ULK4: variants seen among roughly 807,000 people sequenced by gnomAD.
The protein encoded by ULK4 is inactive serine/threonine-protein kinase ULK4.
In ULK4, 133 loss-of-function variants were observed where a neutral mutation model predicts 160.6. The observed-to-expected ratio is 0.83, with a 90% CI of 0.72 to 0.96. The LOEUF (loss-of-function observed/expected upper bound fraction) is 0.96, where lower values mean the gene tolerates loss of function less well. Ranked by LOEUF, ULK4 falls within the 40% of genes least tolerant of loss-of-function variation. ULK4 has a pLI of 0.00. For missense variants in ULK4, 1,580 were observed against 1,499.5 expected (o/e 1.05, Z -0.89); for synonymous variants, 534 against 539.8 (o/e 0.99, Z 0.15).
At chr3:41,324,020 G>A (rs2080296200) in intron 35 of ULK4, among the ~76,000 whole-genome samples, 1 of 152,164 alleles carries the variant, frequency 6.6e-6, no homozygotes, top group African/African-American at 2.4e-5. Flanking sequence ...GATTATGCCT[G>A]TCACTGCAGG....
intron 32 of ULK4, among the ~76,000 whole-genome samples, chr3:41,470,040 AAAAAAAC>A (rs2083944168): frequency 6.7e-6 from 1 of 148,594 alleles, no homozygotes; most frequent in African/African-American, 2.5e-5. Flanking sequence ...AAAAAAAAAA[AAAAAAAC>A]AAAGTATTTT....
chr3:41,615,823 CATG>C lies in ULK4; in HGVS notation c.3072-109_3072-107del, dbSNP rs1044964632. On this transcript the variant is annotated intron_variant, in intron 30 of 36. Coordinates refer to ENST00000301831, the MANE Select transcript of ULK4 (RefSeq NM_017886.4). ...CCCCCATGTTTTATTGCTAAAATTC[CATG>C]ATAAGAAATAGTATGATTAAACATT... The C allele has an allele frequency of 7.4e-5, 73 of 983,710 alleles. No homozygotes were observed. The African/African-American group carries it at 9.0e-4, about 12-fold the overall frequency. 60.9% of individuals were successfully genotyped at this position (983,710 alleles called of 1,614,324 possible).
intron 34 of ULK4, among the ~76,000 whole-genome samples, chr3:41,411,106 C>G (rs2082400507): frequency 1.3e-5 from 2 of 152,180 alleles, no homozygotes. Flanking sequence ...TATCCAACAT[C>G]TATTTACAAT....
At chr3:41,564,813 A>G (rs1292373037) in intron 32 of ULK4, among the ~76,000 whole-genome samples, 3 of 152,112 alleles carry the variant, frequency 2.0e-5, no homozygotes, top group Admixed American at 6.5e-5. Context: ...CAGGGTTTAT[A>G]AAGTCTACAG....
In ULK4 at chr3:41,955,145, C is replaced by A. The variant is rs573049367; in HGVS notation, c.-48-338G>T. Among the ~76,000 whole-genome samples, 10 of 152,168 alleles carry A rather than the reference C, an allele frequency of 6.6e-5. No homozygotes were observed. In the South Asian group the frequency reaches 1.0e-3, roughly 16 times the overall value. Reference sequence around the variant, plus strand: ...TCTCTACTAAAAATACAAAAATTGGCCAGGTGTTGTGATGCGCGCCTGTAA... The same window carrying A: ...TCTCTACTAAAAATACAAAAATTGGACAGGTGTTGTGATGCGCGCCTGTAA... On this transcript the variant is annotated intron_variant, in intron 1 of 36. Coordinates refer to ENST00000301831, the MANE Select transcript of ULK4 (RefSeq NM_017886.4).
chr3:41,551,288 C>T (rs917938063), intron 32 of ULK4, among the ~76,000 whole-genome samples: 1 of 150,186 alleles, frequency 6.7e-6, no homozygotes, highest in Non-Finnish European at 1.5e-5. Context: ...CAGATTAGAA[C>T]TAAAAAGAAA....
chr3:41,388,316 T>C (rs1286955539), intron 35 of ULK4, among the ~76,000 whole-genome samples: 1 of 151,954 alleles, frequency 6.6e-6, no homozygotes, highest in African/African-American at 2.4e-5. Context: ...TTCTCCCATT[T>C]TGTAGGTTGC....
chr3:41,869,585 ACACT>A (rs1267173055), intron 17 of ULK4, among the ~76,000 whole-genome samples: 1 of 152,186 alleles, frequency 6.6e-6, no homozygotes, highest in Non-Finnish European at 1.5e-5. Context: ...GTCCAAAAAA[ACACT>A]CACATATACA....
chr3:41,256,834 A>C (rs1311443479), intron 35 of ULK4, among the ~76,000 whole-genome samples: 1 of 152,270 alleles, frequency 6.6e-6, no homozygotes, highest in Non-Finnish European at 1.5e-5. Context: ...TAAAGGACTT[A>C]TATCAAGAAC....
chr3:41,469,559 T>C lies in ULK4; in HGVS notation c.3227-6306A>G, dbSNP rs539656171. Among the ~76,000 whole-genome samples, 186 of 100,006 alleles carry C rather than the reference T, an allele frequency of 1.9e-3. 3 individuals carry two copies. The highest frequency in any genetic ancestry group is 7.1e-3 in the African/African-American group (170 of 23,920). 65.6% of individuals were successfully genotyped at this position (100,006 alleles called of 152,430 possible). On this transcript the variant is annotated intron_variant, in intron 32 of 36. Coordinates refer to ENST00000301831, the MANE Select transcript of ULK4 (RefSeq NM_017886.4). ...GCCCATGGCCATCAAAGCCGGCCCA[T>C]CTACAATAAAAGCTAAATGAAAGAG...
chr3:41,691,613 A>G (rs1399451126), intron 27 of ULK4, among the ~76,000 whole-genome samples: 1 of 151,856 alleles, frequency 6.6e-6, no homozygotes, highest in African/African-American at 2.4e-5. Context: ...CATTTTAAAC[A>G]GTATTATCTA....
chr3:41,784,194 G>T lies in ULK4; in HGVS notation c.2193+5467C>A, dbSNP rs543862872. ...TCACACCTACAATCCCAGCACTTTG[G>T]GAGGCCGAGGCAGGTAGATCATCTG... is the stretch of plus-strand genomic sequence containing the variant. On this transcript the variant is annotated intron_variant, in intron 21 of 36. Transcript: ENST00000301831. Among the ~76,000 whole-genome samples the T allele has an allele frequency of 2.3e-4, 35 of 152,220 alleles. No homozygotes were observed. The Middle Eastern group carries it at 0.017, about 74-fold the overall frequency.
chr3:41,720,464 AG>A (rs2037411273), intron 22 of ULK4, among the ~76,000 whole-genome samples: 5 of 152,178 alleles, frequency 3.3e-5, no homozygotes, highest in Admixed American at 3.3e-4. Context: ...AGAAGCAAAA[AG>A]ACCAACTGGA....
In ULK4 at chr3:41,804,787, C is replaced by T. The variant is rs34982768; in HGVS notation, c.1849-4494G>A. 2.2e-4 allele frequency among the ~76,000 whole-genome samples: 33 copies of T among 151,330 alleles called. No homozygotes were observed. The South Asian group carries it at 5.2e-3, about 24-fold the overall frequency. On this transcript the variant is annotated intron_variant, in intron 19 of 36. Coordinates refer to ENST00000301831, the MANE Select transcript of ULK4 (RefSeq NM_017886.4). ...TTGTCAGGTTTGTCAAAGATCAGATCGTTGTAGATATGTGGCATTATTTCT... is the reference window on the plus strand; with the variant it reads ...TTGTCAGGTTTGTCAAAGATCAGATTGTTGTAGATATGTGGCATTATTTCT...
intron 32 of ULK4, among the ~76,000 whole-genome samples, chr3:41,473,191 T>C (rs1035768270): frequency 1.1e-4 from 16 of 152,166 alleles, no homozygotes; most frequent in African/African-American, 3.9e-4. Flanking sequence ...AACACAAGGA[T>C]GCCCACTCTT....
intron 5 of ULK4, among the ~76,000 whole-genome samples, chr3:41,923,506 CA>C (rs1415185816): frequency 6.6e-6 from 1 of 151,924 alleles, no homozygotes; most frequent in African/African-American, 2.4e-5. Context: ...TCAAAACAAA[CA>C]AAAAAGAATC....
At chr3:41,364,108 A>G (rs146999196) in intron 35 of ULK4, among the ~76,000 whole-genome samples, 17 of 152,144 alleles carry the variant, frequency 1.1e-4, no homozygotes, top group Non-Finnish European at 2.2e-4. Context: ...ATTTAAAAAT[A>G]TATATTTTTT....
At chr3:41,888,182 A>G (rs1206102656) in intron 16 of ULK4, among the ~76,000 whole-genome samples, 2 of 152,120 alleles carry the variant, frequency 1.3e-5, no homozygotes, top group African/African-American at 2.4e-5. Context: ...AGGTAAAGAA[A>G]GCATCCATAA....
chr3:41,291,733 C>T (rs1575401615), intron 35 of ULK4, among the ~76,000 whole-genome samples: 1 of 152,098 alleles, frequency 6.6e-6, no homozygotes, highest in Admixed American at 6.5e-5. Flanking sequence ...GATGGGGCTT[C>T]TGGGGTACTG....
Sources: gnomAD v4.1 joint callset for allele counts (sites outside exome capture counted in the v4.1 genomes callset) on GRCh38, gnomAD v4.1.1 for gene constraint, MANE v1.5 for transcripts, NCBI Gene and HGNC (gene_info 2026-07-23, HGNC 2026-07-21) for gene names.